Variants in LILRB4 observed in about 807,000 individuals in gnomAD.
LILRB4 encodes leukocyte immunoglobulin-like receptor subfamily B member 4.
A neutral mutation model predicts 55.2 loss-of-function variants in LILRB4; 49 were observed. That is an observed-to-expected ratio of 0.89 (90% CI 0.71 to 1.13). The LOEUF is 1.13. Among genes scored for constraint, LILRB4 ranks in the 50% most tolerant of loss-of-function variants. LILRB4 has a pLI of 0.00. For missense variants in LILRB4, 590 were observed against 555.2 expected (o/e 1.06, Z -0.63); for synonymous variants, 229 against 213.8 (o/e 1.07, Z -0.62).
chr19:54,666,544 G>A lies in LILRB4; in HGVS notation c.988+108G>A. ...CTAGGATTGGTCAGGGACTCAGGGA[G>A]AAGTGGTCTGAACCCACATTGTGGG... On this transcript the variant is annotated intron_variant, in intron 9 of 11. Coordinates refer to ENST00000430952, the Ensembl canonical transcript of LILRB4. This position sits in a 1 kb window ranked among gnomAD's most constrained non-coding sequence, Gnocchi z 4.8. 6.8e-7 allele frequency: 1 copy of A among 1,473,028 alleles called. No individual in the cohort carries two copies. Among genetic ancestry groups the A allele is most frequent in the Non-Finnish European group, 9.4e-7 (1 of 1,065,430 alleles). The allele number at this position is 1,473,028 out of a possible 1,614,324, so 91.2% of individuals were successfully genotyped here. A position where few individuals can be genotyped will look rare whatever the true frequency, so the allele number is the denominator to read the frequency against.
chr19:54,665,944 T>G lies in LILRB4; in HGVS notation c.874+13T>G. The G allele has an allele frequency of 6.2e-7, 1 of 1,613,588 alleles. No homozygotes were observed. The highest frequency in any genetic ancestry group is 8.5e-7 in the Non-Finnish European group (1 of 1,179,880). ...CACAGGACATTGGGTAAGTAGGAAA[T>G]TGGGGGACCCGTGGGCTGATGGAGG... On this transcript the variant is annotated intron_variant, in intron 7 of 11. Coordinates refer to ENST00000430952, the Ensembl canonical transcript of LILRB4. The surrounding 1 kb of genome is among the most constrained non-coding windows in gnomAD (Gnocchi z 5.5).
At chr19:54,667,580 G>A in intron 10 of LILRB4, 55 bp from the exon 11 acceptor site, 13 of 1,603,564 alleles carry the variant, frequency 8.1e-6, no homozygotes, top group Non-Finnish European at 1.1e-5. Flanking sequence ...GGGGAAAATT[G>A]ACTCCAGGGA....
In LILRB4 at chr19:54,667,830, C is replaced by G. The variant is rs199565241; in HGVS notation, c.1197+37C>G. ...CCTCTCCAGGCCCCCAGGCCTCCCC[C>G]ACCCCCACCACGTTCCTTCCCTCTC... On this transcript the variant is annotated intron_variant, in intron 11 of 11. Transcript: ENST00000430952. 25 of 1,607,920 alleles carry G rather than the reference C, an allele frequency of 1.6e-5. No individual in the cohort carries two copies. In the Admixed American group the frequency reaches 1.7e-4, roughly 11 times the overall value.
chr19:54,668,157 G>T, exon 12 of LILRB4: 1 of 933,572 alleles, frequency 1.1e-6, no homozygotes, highest in Non-Finnish European at 1.6e-6. Flanking sequence ...CGGGAACGTT[G>T]GGAGTCACCT....
In LILRB4 at chr19:54,664,973, C is replaced by T. The variant is rs555907564; in HGVS notation, c.706+124C>T. The T allele has an allele frequency of 2.0e-4, 270 of 1,348,248 alleles. 1 individual carries two copies. The African/African-American group carries it at 2.0e-3, about 10-fold the overall frequency. The allele number at this position is 1,348,248 out of a possible 1,614,324, so 83.5% of individuals were successfully genotyped here. A position where few individuals can be genotyped will look rare whatever the true frequency, so the allele number is the denominator to read the frequency against. On this transcript the variant is annotated intron_variant, in intron 5 of 11. Coordinates refer to ENST00000430952, the Ensembl canonical transcript of LILRB4. ...GGCTTGCTTCCACGGGTGTGGGAGTCGGGCAGCGACTTGGGAGGCACCACA... is the reference window on the plus strand; with the variant it reads ...GGCTTGCTTCCACGGGTGTGGGAGTTGGGCAGCGACTTGGGAGGCACCACA...
At chr19:54,667,401 A>C in intron 10 of LILRB4, 2 of 815,608 alleles carry the variant, frequency 2.5e-6, no homozygotes, top group Non-Finnish European at 3.8e-6. Context: ...CCGAGGCAGC[A>C]GCGAGCTCTT....
exon 3 of LILRB4, chr19:54,663,798 A>C: frequency 6.2e-7 from 1 of 1,614,042 alleles, no homozygotes; most frequent in Non-Finnish European, 8.5e-7. Flanking sequence ...AGGCTCTGTG[A>C]TCAGCTGGGG....
At chr19:54,663,635 T>TG (rs2065118014) in intron 2 of LILRB4, 68 bp downstream of exon 2, 1 of 1,611,812 alleles carries the variant, frequency 6.2e-7, no homozygotes, top group African/African-American at 1.3e-5. Context: ...CATGGGCAGC[T>TG]GGGGGAGGAG....
At chr19:54,663,640 G>A in intron 2 of LILRB4, 73 bp downstream of exon 2, 4 of 1,612,030 alleles carry the variant, frequency 2.5e-6, no homozygotes, top group Non-Finnish European at 3.4e-6. Context: ...GCAGCTGGGG[G>A]AGGAGACAGC....
At position 54,666,475 on chromosome 19, in the gene LILRB4, T is replaced by TG. The variant is rs1006487961; in HGVS notation, c.988+44dup. The TG allele has an allele frequency of 7.5e-6, 12 of 1,610,198 alleles. No homozygotes were observed. Among genetic ancestry groups the TG allele is most frequent in the African/African-American group, 1.3e-5 (1 of 74,852 alleles). ...AGAGAAGGTGCACCTGGGGTGGAGCTGGGGGTCCCAAAATTTCAATAGCAA... is the reference window on the plus strand; with the variant it reads ...AGAGAAGGTGCACCTGGGGTGGAGCTGGGGGGTCCCAAAATTTCAATAGCAA... On this transcript the variant is annotated intron_variant, in intron 9 of 11. Transcript: ENST00000430952. The surrounding 1 kb of genome is among the most constrained non-coding windows in gnomAD (Gnocchi z 4.8).
intron 2 of LILRB4, 60 bp from the exon 3 acceptor site, chr19:54,663,694 G>A: frequency 6.2e-7 from 1 of 1,608,768 alleles, no homozygotes; most frequent in South Asian, 1.1e-5. Context: ...TCCTGGGGCT[G>A]AGAGCTGGGA....
Position 54,665,677 on chromosome 19 carries a change from G to T in LILRB4, c.758-138G>T. 1 of 1,053,224 alleles carries T rather than the reference G, an allele frequency of 9.5e-7. No individual in the cohort carries two copies. The allele number at this position is 1,053,224 out of a possible 1,614,324, so 65.2% of individuals were successfully genotyped here. A position where few individuals can be genotyped will look rare whatever the true frequency, so the allele number is the denominator to read the frequency against. On this transcript the variant is annotated intron_variant, in intron 6 of 11. Transcript: ENST00000430952. This position sits in a 1 kb window ranked among gnomAD's most constrained non-coding sequence, Gnocchi z 5.5. Reference sequence around the variant, plus strand: ...GCATCTGTGAAATGGGTGGAGAGAGGGTGGCAATCTCAGGTTGCACAACTG... The same window carrying T: ...GCATCTGTGAAATGGGTGGAGAGAGTGTGGCAATCTCAGGTTGCACAACTG...
At chr19:54,667,698 A>G (rs2065351396) in exon 11 of LILRB4, 1 of 1,610,932 alleles carries the variant, frequency 6.2e-7, no homozygotes, top group Non-Finnish European at 8.5e-7. Context: ...CTCCAGACCT[A>G]GGAGAGAAAT....
At chr19:54,664,562 G>A (rs1013530703) in intron 4 of LILRB4, 77 bp downstream of exon 4, 11 of 1,454,600 alleles carry the variant, frequency 7.6e-6, no homozygotes, top group Non-Finnish European at 1.0e-5. Flanking sequence ...TCTGGGCAGG[G>A]ATGGAGGGAG....
chr19:54,667,201 C>G (rs1007081940), intron 10 of LILRB4: 7 of 558,010 alleles, frequency 1.3e-5, no homozygotes, highest in East Asian at 9.2e-5. Context: ...TGCATCGTGT[C>G]CAGGAGTGCA....
Position 54,666,439 on chromosome 19 carries a change from G to A in LILRB4, c.988+3G>A, listed in dbSNP as rs1195591623. ...TGACGTCCAGGGAGAAAACTTCTGT[G>A]AGTGAGAGGCAGAGAAGGTGCACCT... On this transcript the variant is annotated splice_donor_region_variant and intron_variant, in intron 9 of 11. Transcript: ENST00000430952. This position sits in a 1 kb window ranked among gnomAD's most constrained non-coding sequence, Gnocchi z 4.8. 1 of 1,614,140 alleles carries A rather than the reference G, an allele frequency of 6.2e-7. No individual in the cohort carries two copies. The highest frequency in any genetic ancestry group is 8.5e-7 in the Non-Finnish European group (1 of 1,179,972).
chr19:54,664,293 C>T (rs1338735174), exon 4 of LILRB4: 3 of 1,614,096 alleles, frequency 1.9e-6, no homozygotes, highest in Non-Finnish European at 8.5e-7. Flanking sequence ...CACTTTTCTT[C>T]TGATCAAGGA....
In LILRB4 at chr19:54,666,786, C is replaced by G. The variant is rs1343375023; in HGVS notation, c.1041+37C>G. On this transcript the variant is annotated intron_variant, in intron 10 of 11. Transcript: ENST00000430952. This position sits in a 1 kb window ranked among gnomAD's most constrained non-coding sequence, Gnocchi z 4.8. ...CCCCTGTCCCCGGCACCAAAGGCCT[C>G]CTGGTGCCAGATCTAATCCTGCAGG... is the stretch of plus-strand genomic sequence containing the variant. 3 of 1,579,906 alleles carry G rather than the reference C, an allele frequency of 1.9e-6. No homozygotes were observed. The highest frequency in any genetic ancestry group is 2.2e-5 in the East Asian group (1 of 44,720).
intron 4 of LILRB4, 52 bp from the exon 5 acceptor site, chr19:54,664,747 G>A: frequency 7.2e-7 from 1 of 1,391,736 alleles, no homozygotes; most frequent in Admixed American, 2.2e-5. Flanking sequence ...ATTTGATGTG[G>A]AGACCCAAGG....
Sources: allele counts gnomAD v4.1 joint callset, GRCh38; gene constraint gnomAD v4.1.1; non-coding constraint Gnocchi (gnomAD v3.1); transcripts MANE v1.5; gene names NCBI Gene and HGNC (gene_info 2026-07-23, HGNC 2026-07-21).